The following ALDH18A1 variants were observed in gnomAD, a reference collection of about 807,000 sequenced individuals.
The protein encoded by ALDH18A1 is delta-1-pyrroline-5-carboxylate synthase.
A neutral mutation model predicts 88.8 loss-of-function variants in ALDH18A1; 44 were observed. The observed-to-expected ratio is 0.50, with a 90% CI of 0.39 to 0.64. The LOEUF is 0.64. Among genes scored for constraint, ALDH18A1 ranks in the 30% least tolerant of loss-of-function variants. The pLI, the probability that ALDH18A1 is intolerant of heterozygous loss-of-function variation, is 0.00. For synonymous variants in ALDH18A1, 331 were observed against 372.1 expected, an observed-to-expected ratio of 0.89 and a Z score of 1.27; for missense variants, 782 against 1,009.5, an observed-to-expected ratio of 0.77 and a Z score of 3.05.
At position 95,626,994 on chromosome 10, in the gene ALDH18A1, C is replaced by T. The variant is rs77388110; in HGVS notation, c.1079-218G>A. 1.4e-4 allele frequency among the ~76,000 whole-genome samples: 22 copies of T among 152,266 alleles called. No homozygotes were observed. The East Asian group carries it at 4.0e-3, about 28-fold the overall frequency. ...ACTCAGGTATAAACATAAGAACTTG[C>T]CTGTATTTCTGGGGCAGACAATATA... On this transcript the variant is annotated intron_variant, in intron 9 of 17. Transcript: ENST00000371224.
At chr10:95,616,361 T>C (rs2097844151) in intron 13 of ALDH18A1, 116 bp downstream of exon 13, 2 of 1,395,596 alleles carry the variant, frequency 1.4e-6, no homozygotes, top group Non-Finnish European at 9.8e-7. Flanking sequence ...CCTGCTGGAG[T>C]GTCAAGTCTG....
intron 11 of ALDH18A1, among the ~76,000 whole-genome samples, chr10:95,622,344 C>T (rs1382297049): frequency 2.6e-5 from 4 of 152,016 alleles, no homozygotes; most frequent in African/African-American, 4.8e-5. Context: ...ACTACAGGCA[C>T]GTATCACCAT....
chr10:95,609,131 T>G (rs2097828279), intron 17 of ALDH18A1, among the ~76,000 whole-genome samples: 1 of 152,220 alleles, frequency 6.6e-6, no homozygotes. Flanking sequence ...CGCCTTGGCC[T>G]CCCAAAGTGC....
intron 1 of ALDH18A1, 106 bp from the exon 2 acceptor site, chr10:95,653,511 C>G: frequency 1.1e-6 from 1 of 884,248 alleles, no homozygotes; most frequent in Non-Finnish European, 1.8e-6. Flanking sequence ...GACTCTCCTG[C>G]TCCAAACTCC....
rs1555260441 is a variant in ALDH18A1 at position 95,623,409 on chromosome 10, CTT to C, written c.1246+1951_1246+1952del. 4.7e-3 allele frequency among the ~76,000 whole-genome samples: 590 copies of C among 125,152 alleles called. 12 individuals are homozygous for C. In the South Asian group the frequency reaches 0.047, roughly 10 times the overall value. 82.1% of individuals were successfully genotyped at this position (125,152 alleles called of 152,430 possible). On this transcript the variant is annotated intron_variant, in intron 11 of 17. Transcript: ENST00000371224. The stretch of plus-strand genomic sequence containing the variant: ...GATAAAGAGCTATTTTCTTTTCTTT[CTT>C]TTTCTTTTTTTTTTGAGATGAAGTC...
chr10:95,641,627 T>C (rs1238471946), intron 3 of ALDH18A1, among the ~76,000 whole-genome samples: 1 of 151,790 alleles, frequency 6.6e-6, no homozygotes, highest in Admixed American at 6.6e-5. Context: ...AATCCCCTTG[T>C]CTCAGCCTAC....
Position 95,606,766 on chromosome 10 carries a change from T to C in ALDH18A1, c.2384A>G (p.Asn795Ser). The change falls in exon 18 of 18, where the codon AAC (asparagine) becomes AGC (serine). Residue 795 changes from asparagine (N) to serine (S), a missense_variant. Physicochemically the swap from Asn to Ser is conservative, Grantham distance 46. This residue lies in a region of ALDH18A1 where 556 missense variants were observed against 654.5 expected (regional missense o/e 0.85). Transcript: ENST00000371224. The stretch of plus-strand genomic sequence containing the variant: ...CCCGGGTTTTCCTGGCTCTTTTCAG[T>C]TGGTGTTTCTCTGAGGAATAGGGAG... ...ENLPIPQRNT[N>S] The C allele has an allele frequency of 1.9e-6, 3 of 1,614,102 alleles. No individual in the cohort carries two copies. Among genetic ancestry groups the C allele is most frequent in the South Asian group, 1.1e-5 (1 of 91,072 alleles).
chr10:95,643,509 T>C (rs528931947), intron 2 of ALDH18A1, among the ~76,000 whole-genome samples: 2 of 152,278 alleles, frequency 1.3e-5, no homozygotes, highest in Admixed American at 1.3e-4. Context: ...TTAAAAAAGT[T>C]CTCTAAAAAA....
rs545084277 is a variant in ALDH18A1 at position 95,637,186 on chromosome 10, G to A, written c.465C>T (p.Val155=). 6.8e-6 allele frequency: 11 copies of A among 1,614,208 alleles called. No individual in the cohort carries two copies. In the East Asian group the frequency reaches 2.5e-4, roughly 36 times the overall value. ...QNQLKEMAIP[V]LEARACAAAG... is the part of the protein sequence containing the mutation. ...CAGCTGCACAGGCTCGTGCCTCTAAGACTGGAATTGCCTGTAATATACCAA... is the reference window on the plus strand; with the variant it reads ...CAGCTGCACAGGCTCGTGCCTCTAAAACTGGAATTGCCTGTAATATACCAA... The change falls in exon 5 of 18, where the codon GTC becomes GTT. Residue 155 remains valine (V), a synonymous_variant. Transcript: ENST00000371224.
chr10:95,652,410 C>T (rs2097911735), intron 2 of ALDH18A1, among the ~76,000 whole-genome samples: 1 of 152,146 alleles, frequency 6.6e-6, no homozygotes, highest in African/African-American at 2.4e-5. Context: ...AAATCTAAAA[C>T]TTAATTACAA....
intron 7 of ALDH18A1, among the ~76,000 whole-genome samples, chr10:95,630,903 A>ACATGGG (rs1333762783): frequency 1.3e-5 from 2 of 152,174 alleles, no homozygotes; most frequent in African/African-American, 4.8e-5. Flanking sequence ...CTGACTTTCC[A>ACATGGG]CATGGGCAGA....
rs947884683 is a variant in ALDH18A1, at chr10:95,642,870, T to C, written c.303+122A>G. 1.5e-5 allele frequency: 16 copies of C among 1,066,852 alleles called. No homozygotes were observed. The African/African-American group carries it at 2.5e-4, about 17-fold the overall frequency. The allele number at this position is 1,066,852 out of a possible 1,614,324, so 66.1% of individuals were successfully genotyped here. A position where few individuals can be genotyped will look rare whatever the true frequency, so the allele number is the denominator to read the frequency against. On this transcript the variant is annotated intron_variant, in intron 3 of 17. Transcript: ENST00000371224. Reference sequence around the variant, plus strand: ...AGTGGGAAACAGTTTTCACATTGGGTTAAATCTACTGCACTGAAATCACAA... The same window carrying C: ...AGTGGGAAACAGTTTTCACATTGGGCTAAATCTACTGCACTGAAATCACAA...
chr10:95,627,755 T>C (rs552264675), intron 8 of ALDH18A1, among the ~76,000 whole-genome samples, 169 bp from the exon 9 acceptor site: 65 of 152,390 alleles, frequency 4.3e-4, no homozygotes, highest in Non-Finnish European at 8.5e-4. Context: ...TCACACACTT[T>C]CCAGCTCAAC....
chr10:95,631,117 T>C (rs1278925546), intron 7 of ALDH18A1, among the ~76,000 whole-genome samples: 2 of 152,190 alleles, frequency 1.3e-5, no homozygotes, highest in Non-Finnish European at 2.9e-5. Flanking sequence ...ACACAGCTAC[T>C]ATATTTCTTA....
At chr10:95,632,618 C>A (rs2097872395) in intron 7 of ALDH18A1, among the ~76,000 whole-genome samples, 1 of 152,152 alleles carries the variant, frequency 6.6e-6, no homozygotes, top group Admixed American at 6.5e-5. Context: ...CCCGCTTTGG[C>A]CTCCCAAAGT....
At position 95,652,867 on chromosome 10, in the gene ALDH18A1, CT is replaced by C. The variant is rs370005645; in HGVS notation, c.88+422del. On this transcript the variant is annotated intron_variant, in intron 2 of 17. Coordinates refer to ENST00000371224, the MANE Select transcript of ALDH18A1 (RefSeq NM_002860.4). ...TTTGTCCAATTCTGCCAAATTACATCTTTTTTTTCTCTCTCTCTCTTTTAAA... is the reference window on the plus strand; with the variant it reads ...TTTGTCCAATTCTGCCAAATTACATCTTTTTTTCTCTCTCTCTCTTTTAAA... Among the ~76,000 whole-genome samples, 681 of 152,002 alleles carry C rather than the reference CT, an allele frequency of 4.5e-3. 2 individuals are homozygous for C. Among genetic ancestry groups the C allele is most frequent in the Middle Eastern group, 0.02 (6 of 294 alleles).
chr10:95,622,725 G>C (rs549002428), intron 11 of ALDH18A1, among the ~76,000 whole-genome samples: 17 of 152,126 alleles, frequency 1.1e-4, no homozygotes, highest in African/African-American at 3.9e-4. Context: ...TTTTAGTAGA[G>C]ACGGGGTTTC....
chr10:95,626,324 T>C (rs1383722647), intron 10 of ALDH18A1, among the ~76,000 whole-genome samples: 2 of 152,096 alleles, frequency 1.3e-5, no homozygotes, highest in Non-Finnish European at 2.9e-5. Flanking sequence ...CTACCAACTA[T>C]GGAGCAGGCT....
At chr10:95,618,711 C>A (rs2097847714) in intron 12 of ALDH18A1, among the ~76,000 whole-genome samples, 1 of 152,148 alleles carries the variant, frequency 6.6e-6, no homozygotes, top group South Asian at 2.1e-4. Flanking sequence ...TAAAGGGGTC[C>A]TTTTCACATG....
Sources: allele counts gnomAD v4.1 joint callset (sites outside exome capture counted in the v4.1 genomes callset), GRCh38; gene constraint gnomAD v4.1.1; regional missense constraint gnomAD v4.1.1; transcripts MANE v1.5; gene names NCBI Gene and HGNC (gene_info 2026-07-23, HGNC 2026-07-21).